Variants in MYO1G observed in about 807,000 individuals in gnomAD.
MYO1G encodes the protein unconventional myosin-Ig.
In MYO1G, 65 loss-of-function variants were observed where a neutral mutation model predicts 115.3. The ratio of observed to expected loss-of-function variants is 0.56; its 90% confidence interval spans 0.46 to 0.69. The LOEUF is 0.69. Among genes scored for constraint, MYO1G ranks in the 30% least tolerant of loss-of-function variants. The probability of loss-of-function intolerance (pLI) is 0.00; values close to 1 mark genes in which losing one functional copy is unlikely to be tolerated. For missense variants in MYO1G, 1,204 were observed against 1,393.5 expected (o/e 0.86, Z 2.16); for synonymous variants, 510 against 552.6 (o/e 0.92, Z 1.08).
chr7:44,972,104 C>T lies in MYO1G; in HGVS notation c.729+11G>A, dbSNP rs1562831910. 6.2e-7 allele frequency: 1 copy of T among 1,607,262 alleles called. No homozygotes were observed. On this transcript the variant is annotated intron_variant, in intron 6 of 21. Coordinates refer to ENST00000258787, the MANE Select transcript of MYO1G (RefSeq NM_033054.3). ...AGCCCAGTTTGAGCCCTTGGTGCCC[C>T]TCACACTCACACTGTGCACAGTCAT...
chr7:44,977,075 G>A lies in MYO1G; in HGVS notation c.96-4C>T. On this transcript the variant is annotated splice_polypyrimidine_tract_variant and splice_region_variant and intron_variant, in intron 1 of 21. Transcript: ENST00000258787. ...GTAGATGCGGCCCTTCTCGAACCTG[G>A]ACACAGCAGGGGTAGGCCTCAGCAC... 1.2e-6 allele frequency: 2 copies of A among 1,611,934 alleles called. No homozygotes were observed. The highest frequency in any genetic ancestry group is 1.7e-6 in the Non-Finnish European group (2 of 1,179,538).
At position 44,971,088 on chromosome 7, in the gene MYO1G, G is replaced by A. The variant is rs141933630; in HGVS notation, c.847-29C>T. On this transcript the variant is annotated intron_variant, in intron 7 of 21. Transcript: ENST00000258787. ...GTGATGGGAAAACCATGAACAGTCC[G>A]GGCTCCATGTCTCAAAAGAGCCTGG... 1,932 of 1,578,990 alleles carry A rather than the reference G, an allele frequency of 1.2e-3. 20 individuals carry two copies. The African/African-American group carries it at 0.023, about 18-fold the overall frequency.
rs1794800572 is a variant in MYO1G at position 44,964,326 on chromosome 7, C to A, written c.2631+89G>T. 2 of 1,392,804 alleles carry A rather than the reference C, an allele frequency of 1.4e-6. No individual in the cohort carries two copies. Among genetic ancestry groups the A allele is most frequent in the East Asian group, 2.3e-5 (1 of 43,444 alleles). The allele number at this position is 1,392,804 out of a possible 1,614,324, so 86.3% of individuals were successfully genotyped here. ...GTTGCCTCCATTTTCTCCCAAGTGC[C>A]CCCCCAAAACTCTGCACCAGCTTCT... On this transcript the variant is annotated intron_variant, in intron 19 of 21. Transcript: ENST00000258787. This position sits in a 1 kb window ranked among gnomAD's most constrained non-coding sequence, Gnocchi z 5.1.
At chr7:44,971,984 C>T (rs1039940748) in intron 6 of MYO1G, 131 bp downstream of exon 6, 15 of 816,596 alleles carry the variant, frequency 1.8e-5, no homozygotes, top group Admixed American at 1.5e-4. Context: ...CACTCCACCC[C>T]GAGCACCCTC....
In MYO1G at chr7:44,964,800, G is replaced by A. The variant is rs1212286234; in HGVS notation, c.2526+145C>T. 23 of 1,259,936 alleles carry A rather than the reference G, an allele frequency of 1.8e-5. 1 individual carries two copies. In the South Asian group the frequency reaches 2.6e-4, roughly 14 times the overall value. The allele number at this position is 1,259,936 out of a possible 1,614,324, so 78.0% of individuals were successfully genotyped here. The stretch of plus-strand genomic sequence containing the variant: ...CAGGATGAGACCTTGCAGAGCTCTG[G>A]TGGGGGCTGAGGTACAGGGCCACCA... On this transcript the variant is annotated intron_variant, in intron 18 of 21. Transcript: ENST00000258787. The surrounding 1 kb of genome is among the most constrained non-coding windows in gnomAD (Gnocchi z 5.1).
At position 44,969,547 on chromosome 7, in the gene MYO1G, C is replaced by A; in HGVS notation, c.1504-64G>T. 6.3e-7 allele frequency: 1 copy of A among 1,591,764 alleles called. No individual in the cohort carries two copies. Among genetic ancestry groups the A allele is most frequent in the Non-Finnish European group, 8.6e-7 (1 of 1,160,746 alleles). On this transcript the variant is annotated intron_variant, in intron 11 of 21. Transcript: ENST00000258787. The surrounding 1 kb of genome is among the most constrained non-coding windows in gnomAD (Gnocchi z 5.0). ...TGGAGGGTCTGTATGAAGGGATAGC[C>A]CTGCCTCCCCACCTCCAGGGCAGAG...
chr7:44,966,175 G>C lies in MYO1G; in HGVS notation c.2055C>G (p.Ala685=), dbSNP rs746327965. The change falls in exon 16 of 22, where the codon GCC becomes GCG. Residue 685 remains alanine, a synonymous_variant. Transcript: ENST00000258787. This position sits in a 1 kb window ranked among gnomAD's most constrained non-coding sequence, Gnocchi z 5.0. ...GGATGAACAGCTTGCTGTGGCCAAA[G>C]GCCACGTCCCCCTGCAGCCCGTGCT... ...LEQHGLQGDV[A]FGHSKLFIRS... is the part of the protein sequence containing the mutation. 2.5e-6 allele frequency: 4 copies of C among 1,612,876 alleles called. No individual in the cohort carries two copies. In the East Asian group the frequency reaches 6.7e-5, roughly 27 times the overall value.
At position 44,969,841 on chromosome 7, in the gene MYO1G, A is replaced by G; in HGVS notation, c.1367T>C (p.Leu456Pro). 1.2e-6 allele frequency: 2 copies of G among 1,612,344 alleles called. No individual in the cohort carries two copies. The highest frequency in any genetic ancestry group is 1.7e-6 in the Non-Finnish European group (2 of 1,179,270). The stretch of plus-strand genomic sequence containing the variant: ...GATGCCACGGTGGGGCCGCTCCACC[A>G]GATCCACAATGGTGGCGTTGTTGAA... ...EYFNNATIVD[L>P]VERPHRGILA... Residue 456 changes from leucine (L) to proline (P), a missense_variant, in exon 11 of 22, where the codon CTG becomes CCG. By Grantham distance (98) the Leu-to-Pro change is moderately conservative (BLOSUM62 -3). Coordinates refer to ENST00000258787, the MANE Select transcript of MYO1G (RefSeq NM_033054.3). This position sits in a 1 kb window ranked among gnomAD's most constrained non-coding sequence, Gnocchi z 5.0.
chr7:44,966,408 G>A lies in MYO1G; in HGVS notation c.1950-128C>T, dbSNP rs933619367. On this transcript the variant is annotated intron_variant, in intron 15 of 21. Transcript: ENST00000258787. This position sits in a 1 kb window ranked among gnomAD's most constrained non-coding sequence, Gnocchi z 5.0. ...TGTTCCTGGAGCACTTATGACACCTGTGCACATATGTCTTCCCATACACAT... is the reference window on the plus strand; with the variant it reads ...TGTTCCTGGAGCACTTATGACACCTATGCACATATGTCTTCCCATACACAT... 3.4e-6 allele frequency: 3 copies of A among 885,984 alleles called. No individual in the cohort carries two copies. Among genetic ancestry groups the A allele is most frequent in the Non-Finnish European group, 3.6e-6 (2 of 555,598 alleles). 54.9% of individuals were successfully genotyped at this position (885,984 alleles called of 1,614,324 possible).
chr7:44,968,002 C>A, intron 12 of MYO1G, 44 bp from the exon 13 acceptor site: 1 of 1,569,546 alleles, frequency 6.4e-7, no homozygotes, highest in South Asian at 1.1e-5. Flanking sequence ...GCGGGGGCTG[C>A]CAGGCCAGAG....
rs144037510 is a variant in MYO1G at position 44,970,996 on chromosome 7, C to T, written c.910G>A (p.Glu304Lys). 301 of 1,613,452 alleles carry T rather than the reference C, an allele frequency of 1.9e-4. 2 individuals carry two copies. In the African/African-American group the frequency reaches 3.3e-3, roughly 18 times the overall value. Reference protein sequence around the residue: ...GLQKEGLAVAEEALVDHVAEL... With the variant: ...GLQKEGLAVAKEALVDHVAEL... Reference sequence around the variant, plus strand: ...GCCACATGGTCCACCAGTGCCTCCTCGGCCACTGCCAGGCCCTCCTTCTGC... The same window carrying T: ...GCCACATGGTCCACCAGTGCCTCCTTGGCCACTGCCAGGCCCTCCTTCTGC... The change falls in exon 8 of 22, where the codon GAG becomes AAG. Residue 304 changes from glutamate (E) to lysine (K), a missense_variant. Coordinates refer to ENST00000258787, the MANE Select transcript of MYO1G (RefSeq NM_033054.3).
Position 44,962,819 on chromosome 7 carries a change from C to T in MYO1G, c.2977G>A (p.Val993Met). 6.6e-7 allele frequency: 1 copy of T among 1,522,306 alleles called. No homozygotes were observed. The highest frequency in any genetic ancestry group is 2.6e-5 in the East Asian group (1 of 38,386). 94.3% of individuals were successfully genotyped at this position (1,522,306 alleles called of 1,614,324 possible). A position where few individuals can be genotyped will look rare whatever the true frequency, so the allele number is the denominator to read the frequency against. The change falls in exon 22 of 22, where the codon GTG (valine) becomes ATG (methionine). Residue 993 changes from valine (V) to methionine (M), a missense_variant. Coordinates refer to ENST00000258787, the MANE Select transcript of MYO1G (RefSeq NM_033054.3). This position sits in a 1 kb window ranked among gnomAD's most constrained non-coding sequence, Gnocchi z 5.3. The stretch of plus-strand genomic sequence containing the variant: ...TCTGGCTGCTCCGGCCTGGGCTCCA[C>T]GGAGATGAGGCGCCGGACCCCGCGA... Reference protein sequence around the residue: ...SHRGVRRLISVEPRPEQPEPD... With the variant: ...SHRGVRRLISMEPRPEQPEPD...
In MYO1G at chr7:44,970,105, A is replaced by C; in HGVS notation, c.1267T>G (p.Phe423Val). 6.2e-7 allele frequency: 1 copy of C among 1,614,008 alleles called. No homozygotes were observed. Among genetic ancestry groups the C allele is most frequent in the Non-Finnish European group, 8.5e-7 (1 of 1,179,980 alleles). ...TCCTGCTTCAGGATGAGCTGGATGA[A>C]TAGCTGCTGCAGCTTCTCGTTGCAG... ...NYCNEKLQQL[F>V]IQLILKQEQE... Residue 423 changes from phenylalanine (F) to valine (V), a missense_variant, in exon 10 of 22, where the codon TTC becomes GTC. Transcript: ENST00000258787.
chr7:44,975,730 C>T, intron 3 of MYO1G, 81 bp from the exon 4 acceptor site: 2 of 1,393,214 alleles, frequency 1.4e-6, no homozygotes, highest in Non-Finnish European at 1.9e-6. Context: ...GTCTTCCCAA[C>T]AGAAATCACA....
chr7:44,976,505 G>T, intron 3 of MYO1G, 59 bp downstream of exon 3: 5 of 1,531,122 alleles, frequency 3.3e-6, no homozygotes, highest in Non-Finnish European at 4.5e-6. Context: ...AGCCCTTCCT[G>T]CCACACTGAG....
chr7:44,968,506 T>C (rs1368387802), intron 12 of MYO1G: 1 of 28,798 alleles, frequency 3.5e-5, no homozygotes, highest in African/African-American at 1.1e-4. Context: ...GGGAATGGAT[T>C]TTTTTTTTTT....
chr7:44,974,394 A>T (rs542291830), intron 5 of MYO1G: 3 of 151,634 alleles, frequency 2.0e-5, no homozygotes, highest in East Asian at 2.0e-4. Context: ...CCATGGAAAC[A>T]CCGCCTGTGT....
In MYO1G at chr7:44,966,022, C is replaced by A. The variant is rs765119744; in HGVS notation, c.2157+51G>T. The A allele has an allele frequency of 1.4e-5, 23 of 1,593,846 alleles. No homozygotes were observed. The highest frequency in any genetic ancestry group is 2.0e-5 in the Non-Finnish European group (23 of 1,171,942). On this transcript the variant is annotated intron_variant, in intron 16 of 21. Transcript: ENST00000258787. This position sits in a 1 kb window ranked among gnomAD's most constrained non-coding sequence, Gnocchi z 5.0. Reference sequence around the variant, plus strand: ...AAGTGTGTTTGTGGCCCCTGGGACACAAGCTTTCCCCACCTCCATAGTGGA... The same window carrying A: ...AAGTGTGTTTGTGGCCCCTGGGACAAAAGCTTTCCCCACCTCCATAGTGGA...
chr7:44,975,380 G>T, intron 4 of MYO1G, 104 bp downstream of exon 4: 1 of 1,524,104 alleles, frequency 6.6e-7, no homozygotes, highest in Non-Finnish European at 9.1e-7. Context: ...GGGAGAGACA[G>T]CCCAGCCCTC....
Sources: allele counts gnomAD v4.1 joint callset, GRCh38; gene constraint gnomAD v4.1.1; non-coding constraint Gnocchi (gnomAD v3.1); transcripts MANE v1.5; gene names NCBI Gene and HGNC (gene_info 2026-07-23, HGNC 2026-07-21).